The following RAPGEF2 variants were observed in gnomAD, a reference collection of about 807,000 sequenced individuals.
The protein encoded by RAPGEF2 is PDZ domain containing guanine nucleotide exchange factor (GEF) 1.
Under a neutral mutation model 186.7 loss-of-function variants are expected in RAPGEF2, and 54 were observed. That is an observed-to-expected ratio of 0.29 (90% CI 0.23 to 0.36). RAPGEF2 has a LOEUF of 0.36. Ranked by LOEUF, RAPGEF2 falls within the 10% of genes least tolerant of loss-of-function variation. RAPGEF2 has a pLI of 1.00. For synonymous variants in RAPGEF2, 712 were observed against 705.9 expected (o/e 1.01, Z -0.14); for missense variants, 1,532 against 2,045.0 (o/e 0.75, Z 4.84).
rs961982529 is a variant in RAPGEF2 at position 159,358,973 on chromosome 4, T to C, written c.*834T>C. 3.3e-5 allele frequency: 5 copies of C among 152,226 alleles called. No homozygotes were observed. Among genetic ancestry groups the C allele is most frequent in the Non-Finnish European group, 1.5e-5 (1 of 68,066 alleles). 9.4% of individuals were successfully genotyped at this position (152,226 alleles called of 1,614,324 possible). ...AGTGGATGGGGTTCTTCTGTAAAAC[T>C]GTTTGCACATGGCCAGGGGAGGGAA... is the stretch of plus-strand genomic sequence containing the variant. On this transcript the variant is annotated 3_prime_UTR_variant, in exon 30 of 30. Transcript: ENST00000691494.
chr4:159,284,211 T>G (rs1365221954), intron 7 of RAPGEF2, among the ~76,000 whole-genome samples: 1 of 152,064 alleles, frequency 6.6e-6, no homozygotes, highest in Non-Finnish European at 1.5e-5. Flanking sequence ...CCCCAATCAA[T>G]GGAGAAAAGC....
intron 1 of RAPGEF2, among the ~76,000 whole-genome samples, chr4:159,170,479 A>G (rs1237287554): frequency 2.0e-5 from 3 of 152,204 alleles, no homozygotes; most frequent in African/African-American, 7.2e-5. Flanking sequence ...AACTATTCAC[A>G]TAGTATTTAC....
chr4:159,275,361 T>A (rs1758721464), intron 7 of RAPGEF2, among the ~76,000 whole-genome samples: 1 of 152,090 alleles, frequency 6.6e-6, no homozygotes, highest in African/African-American at 2.4e-5. Context: ...GCCTGAAAAA[T>A]TTCTTTACAA....
Position 159,359,149 on chromosome 4 carries a change from GT to G in RAPGEF2, c.*1017del, listed in dbSNP as rs3840263. The G allele has an allele frequency of 0.52, 78,074 of 149,670 alleles. 20,715 individuals are homozygous for G. The highest frequency in any genetic ancestry group is 0.58 in the Non-Finnish European group (38,739 of 66,476). The allele number at this position is 149,670 out of a possible 1,614,324, so 9.3% of individuals were successfully genotyped here. A position where few individuals can be genotyped will look rare whatever the true frequency, so the allele number is the denominator to read the frequency against. On this transcript the variant is annotated 3_prime_UTR_variant, in exon 30 of 30. Transcript: ENST00000691494. ...TTTAGAGGTGTAGGTTTTGTTTTTT[GT>G]TTTTTTGTTTTTTTTTAAGAGAAAC...
chr4:159,318,675 A>T lies in RAPGEF2; in HGVS notation c.854-3672A>T, dbSNP rs115630883. On this transcript the variant is annotated intron_variant, in intron 9 of 29. Coordinates refer to ENST00000691494, the MANE Select transcript of RAPGEF2 (RefSeq NM_001394067.2). The stretch of plus-strand genomic sequence containing the variant: ...AGGTACTCCATTATTGAATAGTTTT[A>T]AAAAATTTTTTTTGTTTTGAGAGTT... Among the ~76,000 whole-genome samples, 1,234 of 152,268 alleles carry T rather than the reference A, an allele frequency of 8.1e-3. 13 individuals carry two copies. Among genetic ancestry groups the T allele is most frequent in the African/African-American group, 0.028 (1,163 of 41,556 alleles).
intron 29 of RAPGEF2, among the ~76,000 whole-genome samples, chr4:159,357,720 A>C (rs947936252): frequency 2.0e-5 from 3 of 152,178 alleles, no homozygotes; most frequent in African/African-American, 7.2e-5. Context: ...TACAAATGAA[A>C]ATTACTTAAA....
At chr4:159,278,746 T>C (rs948377903) in intron 7 of RAPGEF2, among the ~76,000 whole-genome samples, 3 of 152,232 alleles carry the variant, frequency 2.0e-5, no homozygotes, top group Non-Finnish European at 4.4e-5. Context: ...ACCCTGGCTG[T>C]GTGGTCTTTT....
At chr4:159,288,544 C>G (rs1041091626) in intron 7 of RAPGEF2, among the ~76,000 whole-genome samples, 3 of 152,070 alleles carry the variant, frequency 2.0e-5, no homozygotes, top group South Asian at 4.2e-4. Context: ...TTCCCCACCC[C>G]CTGCCAGAAT....
At position 159,331,644 on chromosome 4, in the gene RAPGEF2, C is replaced by CCTAA; in HGVS notation, c.1591_1594dup (p.Arg532ThrfsTer11). 1 of 1,614,042 alleles carries CCTAA rather than the reference C, an allele frequency of 6.2e-7. No homozygotes were observed. Among genetic ancestry groups the CCTAA allele is most frequent in the Non-Finnish European group, 8.5e-7 (1 of 1,179,984 alleles). On this transcript the variant is annotated frameshift_variant, in exon 15 of 30. Coordinates refer to ENST00000691494, the MANE Select transcript of RAPGEF2 (RefSeq NM_001394067.2). LOFTEE classifies it high-confidence loss of function. ...AACTCTTAAAGAAAATGGGTGGACA[C>CCTAA]CTAAGGCTGTTGAATATCGCGTGTG...
intron 9 of RAPGEF2, among the ~76,000 whole-genome samples, chr4:159,316,709 T>A (rs551908253): frequency 6.6e-6 from 1 of 152,306 alleles, no homozygotes; most frequent in East Asian, 1.9e-4. Context: ...TCTTTATCCA[T>A]TCTATCATTG....
chr4:159,257,571 A>G (rs1267792800), intron 7 of RAPGEF2, among the ~76,000 whole-genome samples: 2 of 152,210 alleles, frequency 1.3e-5, no homozygotes, highest in Non-Finnish European at 2.9e-5. Context: ...TCATATCAAC[A>G]TTTAAGTCTT....
intron 1 of RAPGEF2, among the ~76,000 whole-genome samples, chr4:159,154,669 G>A (rs1743931462): frequency 6.6e-6 from 1 of 152,166 alleles, no homozygotes; most frequent in Non-Finnish European, 1.5e-5. Context: ...GGGATAGGTA[G>A]CAGGCTGAAT....
In RAPGEF2 at chr4:159,346,708, A is replaced by G. The variant is rs190267625; in HGVS notation, c.3503-81A>G. The G allele has an allele frequency of 1.3e-5, 16 of 1,190,012 alleles. No individual in the cohort carries two copies. The Admixed American group carries it at 1.5e-4, about 11-fold the overall frequency. The allele number at this position is 1,190,012 out of a possible 1,614,324, so 73.7% of individuals were successfully genotyped here. ...AGTATTCTAACTGCAGAAAATGCTC[A>G]CACAGTTCTAGAATTATCTTCTACA... is the stretch of plus-strand genomic sequence containing the variant. On this transcript the variant is annotated intron_variant, in intron 24 of 29. Transcript: ENST00000691494.
At chr4:159,321,499 C>T (rs1226290071) in intron 9 of RAPGEF2, among the ~76,000 whole-genome samples, 4 of 152,136 alleles carry the variant, frequency 2.6e-5, no homozygotes, top group African/African-American at 4.8e-5. Context: ...CGAGCCACTG[C>T]GCCTGGTCTT....
At chr4:159,119,232 G>A (rs145016226) in intron 1 of RAPGEF2, among the ~76,000 whole-genome samples, 205 of 152,168 alleles carry the variant, frequency 1.3e-3, no homozygotes, top group African/African-American at 4.7e-3. Context: ...AACTGGCTGA[G>A]TCTTCTATTT....
intron 20 of RAPGEF2, 29 bp from the exon 21 acceptor site, chr4:159,342,950 T>G: frequency 6.3e-7 from 1 of 1,589,000 alleles, no homozygotes; most frequent in South Asian, 1.1e-5. Context: ...ACTTTAGTTG[T>G]TATACCATGT....
intron 1 of RAPGEF2, among the ~76,000 whole-genome samples, chr4:159,165,051 T>C (rs1448667845): frequency 1.3e-5 from 2 of 152,114 alleles, no homozygotes; most frequent in African/African-American, 4.8e-5. Context: ...CTTCTATGTT[T>C]CTTAAAGAAT....
chr4:159,308,602 T>C (rs1379737993), intron 8 of RAPGEF2, among the ~76,000 whole-genome samples: 1 of 152,150 alleles, frequency 6.6e-6, no homozygotes, highest in Non-Finnish European at 1.5e-5. Context: ...TCCTGTCACA[T>C]TGAAGTGAGA....
intron 4 of RAPGEF2, among the ~76,000 whole-genome samples, chr4:159,218,356 C>T (rs368008175): frequency 1.3e-5 from 2 of 152,158 alleles, no homozygotes; most frequent in African/African-American, 4.8e-5. Flanking sequence ...ATATACTGGT[C>T]TTATATACCC....
Sources: gnomAD v4.1 joint callset for allele counts (sites outside exome capture counted in the v4.1 genomes callset) on GRCh38, gnomAD v4.1.1 for gene constraint, MANE v1.5 for transcripts, NCBI Gene and HGNC (gene_info 2026-07-23, HGNC 2026-07-21) for gene names.